IL23R: variants seen among roughly 807,000 people sequenced by gnomAD.
IL23R encodes the protein interleukin-23 receptor.
IL23R carries 34 observed loss-of-function variants against 56.9 expected under a neutral mutation model. The ratio of observed to expected loss-of-function variants is 0.60; its 90% CI spans 0.45 to 0.80. The LOEUF is 0.80. Ranked by LOEUF, IL23R falls within the 30% of genes least tolerant of loss-of-function variation. The pLI is 0.00. For synonymous variants in IL23R, 230 were observed against 249.2 expected (o/e 0.92, Z 0.73); for missense variants, 635 against 730.0 (o/e 0.87, Z 1.50).
At chr1:67,251,679 G>C (rs1269778719) in intron 9 of IL23R, among the ~76,000 whole-genome samples, 1 of 152,118 alleles carries the variant, frequency 6.6e-6, no homozygotes, top group Non-Finnish European at 1.5e-5. Context: ...TGGAAGGGAA[G>C]AGAATCAGCA....
rs1394854628 is a variant in IL23R at position 67,193,849 on chromosome 1, T to A, written c.492-6888T>A. On this transcript the variant is annotated intron_variant, in intron 4 of 10. Transcript: ENST00000347310. ...CTGTCTACCTGGAGGTAGCATCAGA[T>A]CCCACAGCTAAAGGCTCAGTCCCAC... Among the ~76,000 whole-genome samples the A allele has an allele frequency of 4.6e-5, 7 of 152,136 alleles. 1 individual carries two copies. Among genetic ancestry groups the A allele is most frequent in the Admixed American group, 4.6e-4 (7 of 15,258 alleles).
chr1:67,175,748 G>A (rs193134368), intron 3 of IL23R, among the ~76,000 whole-genome samples: 8 of 152,310 alleles, frequency 5.3e-5, no homozygotes, highest in Non-Finnish European at 7.4e-5. Context: ...ATGTGCAAGA[G>A]AAGAAGATAG....
chr1:67,264,693 T>G (rs1653292331), downstream of IL23R, among the ~76,000 whole-genome samples: 1 of 152,240 alleles, frequency 6.6e-6, no homozygotes, highest in African/African-American at 2.4e-5. Flanking sequence ...ATTAATGTTT[T>G]ATGTTAAGGC....
intron 6 of IL23R, among the ~76,000 whole-genome samples, chr1:67,219,175 T>G (rs1223075073): frequency 6.6e-6 from 1 of 152,040 alleles, no homozygotes; most frequent in Non-Finnish European, 1.5e-5. Flanking sequence ...AAGACCAGCC[T>G]GGCCAACATG....
intron 7 of IL23R, among the ~76,000 whole-genome samples, chr1:67,223,212 C>T (rs1650415872): frequency 6.6e-6 from 1 of 152,058 alleles, no homozygotes; most frequent in Non-Finnish European, 1.5e-5. Context: ...CAAGATCCTG[C>T]CACTGCACTC....
chr1:67,194,059 CAA>C (rs1647937780), intron 4 of IL23R, among the ~76,000 whole-genome samples: 1 of 152,156 alleles, frequency 6.6e-6, no homozygotes, highest in Non-Finnish European at 1.5e-5. Flanking sequence ...AAGAATATAA[CAA>C]AGGCTACAGA....
At chr1:67,175,056 C>T (rs150546605) in intron 3 of IL23R, among the ~76,000 whole-genome samples, 24 of 151,914 alleles carry the variant, frequency 1.6e-4, no homozygotes, top group African/African-American at 4.6e-4. Context: ...TCCTATTAGT[C>T]GGCCTACCTC....
intron 1 of IL23R, among the ~76,000 whole-genome samples, chr1:67,140,189 C>T (rs1028966122): frequency 6.6e-6 from 1 of 152,098 alleles, no homozygotes; most frequent in African/African-American, 2.4e-5. Context: ...ACTAAGATAG[C>T]ATCTTGCAAG....
At chr1:67,255,757 A>G (rs1218925041) in intron 9 of IL23R, 80 bp from the exon 10 acceptor site, 8 of 770,412 alleles carry the variant, frequency 1.0e-5, no homozygotes, top group African/African-American at 5.2e-5. Flanking sequence ...TTGATTTTTA[A>G]TATACATTTT....
intron 1 of IL23R, among the ~76,000 whole-genome samples, chr1:67,144,780 T>G (rs1273038457): frequency 6.6e-6 from 1 of 150,846 alleles, no homozygotes; most frequent in East Asian, 2.0e-4. Flanking sequence ...CCACAACCTA[T>G]TCTCTTTCCC....
chr1:67,160,957 C>A (rs1646813271), intron 1 of IL23R, among the ~76,000 whole-genome samples: 1 of 152,102 alleles, frequency 6.6e-6, no homozygotes, highest in Admixed American at 6.5e-5. Flanking sequence ...ATCAATAAAA[C>A]CTTATTTACC....
chr1:67,241,171 C>A (rs1047387077), intron 9 of IL23R, among the ~76,000 whole-genome samples: 2 of 152,068 alleles, frequency 1.3e-5, no homozygotes, highest in African/African-American at 4.8e-5. Flanking sequence ...AGAGATTGAC[C>A]AAAACTTTAG....
At chr1:67,226,449 G>A (rs7523955) in intron 7 of IL23R, among the ~76,000 whole-genome samples, 2 of 151,884 alleles carry the variant, frequency 1.3e-5, no homozygotes, top group Non-Finnish European at 2.9e-5. Context: ...GCTGTCCAGC[G>A]GCCGATCTCC....
downstream of IL23R, among the ~76,000 whole-genome samples, chr1:67,262,451 G>A (rs1192068992): frequency 6.6e-6 from 1 of 152,168 alleles, no homozygotes; most frequent in Non-Finnish European, 1.5e-5. Context: ...GGGTGGTCAG[G>A]AAAGACCACT....
chr1:67,239,408 C>T (rs2100325424), intron 8 of IL23R, among the ~76,000 whole-genome samples: 1 of 152,254 alleles, frequency 6.6e-6, no homozygotes, highest in South Asian at 2.1e-4. Context: ...GGACTACAGG[C>T]ACATGCCACC....
chr1:67,159,522 G>A (rs1570763934), intron 1 of IL23R, among the ~76,000 whole-genome samples: 1 of 152,276 alleles, frequency 6.6e-6, no homozygotes, highest in African/African-American at 2.4e-5. Flanking sequence ...AAATTACTCA[G>A]TCTCAGGTAG....
chr1:67,185,057 G>C (rs1647251855), intron 4 of IL23R, among the ~76,000 whole-genome samples: 1 of 152,214 alleles, frequency 6.6e-6, no homozygotes, highest in Non-Finnish European at 1.5e-5. Flanking sequence ...CTTGATCTTG[G>C]ACTTCCAAGC....
chr1:67,200,131 C>T (rs1227204071), intron 4 of IL23R, among the ~76,000 whole-genome samples: 1 of 152,034 alleles, frequency 6.6e-6, no homozygotes, highest in Non-Finnish European at 1.5e-5. Flanking sequence ...GCTCCTCCTC[C>T]TGGGTTCACG....
chr1:67,248,688 G>A (rs935527911), intron 9 of IL23R, among the ~76,000 whole-genome samples: 7 of 152,104 alleles, frequency 4.6e-5, no homozygotes, highest in African/African-American at 7.2e-5. Flanking sequence ...GAGGGGAAGA[G>A]GCATTCTGGT....
Sources: allele counts gnomAD v4.1 joint callset (sites outside exome capture counted in the v4.1 genomes callset), GRCh38; gene constraint gnomAD v4.1.1; transcripts MANE v1.5; gene names NCBI Gene and HGNC (gene_info 2026-07-23, HGNC 2026-07-21).